The following XPR1 variants were observed in gnomAD, a reference collection of about 807,000 sequenced individuals.
The protein encoded by XPR1 is solute carrier family 53 member 1.
Under a neutral mutation model 87.5 loss-of-function variants are expected in XPR1, and 28 were observed. That is an observed-to-expected ratio of 0.32 (90% CI 0.24 to 0.44). The LOEUF is 0.44. Among genes scored for constraint, XPR1 ranks in the 20% least tolerant of loss-of-function variants. XPR1 has a pLI of 1.00. For missense variants in XPR1, 559 were observed against 862.3 expected (o/e 0.65, Z 4.41); for synonymous variants, 300 against 306.1 (o/e 0.98, Z 0.21).
intron 2 of XPR1, among the ~76,000 whole-genome samples, chr1:180,703,479 G>A (rs192938696): frequency 4.4e-4 from 67 of 152,266 alleles, no homozygotes; most frequent in African/African-American, 1.5e-3. Context: ...TGTTGGCCAT[G>A]GTTAGCAGGG....
At chr1:180,759,364 C>G (rs1283480839) in intron 2 of XPR1, among the ~76,000 whole-genome samples, 1 of 152,000 alleles carries the variant, frequency 6.6e-6, no homozygotes, top group Non-Finnish European at 1.5e-5. Flanking sequence ...CGATAGACCG[C>G]TAGTAAGACT....
intron 1 of XPR1, among the ~76,000 whole-genome samples, chr1:180,679,740 ATAAAG>A (rs757839886): frequency 2.6e-5 from 4 of 152,194 alleles, no homozygotes; most frequent in Non-Finnish European, 5.9e-5. Context: ...AACTATTACT[ATAAAG>A]TAAACCGATA....
rs572998354 is a variant in XPR1, at chr1:180,691,509, TG to T, written c.121+9099del. ...TCTGACTCAGCTTAATACAGCTATC[TG>T]ACTTTCTGAAATTGGATGAATAAAT... is the stretch of plus-strand genomic sequence containing the variant. On this transcript the variant is annotated intron_variant, in intron 2 of 14. Transcript: ENST00000367590. 9.9e-4 allele frequency among the ~76,000 whole-genome samples: 151 copies of T among 152,328 alleles called. 1 individual carries two copies. The highest frequency in any genetic ancestry group is 1.7e-3 in the Non-Finnish European group (116 of 68,012).
intron 2 of XPR1, among the ~76,000 whole-genome samples, chr1:180,708,805 T>A (rs931630883): frequency 6.6e-6 from 1 of 151,824 alleles, no homozygotes; most frequent in Non-Finnish European, 1.5e-5. Context: ...ACAAAAATTT[T>A]CCCCAAAATG....
intron 1 of XPR1, among the ~76,000 whole-genome samples, chr1:180,678,254 GT>G (rs1365141661): frequency 6.6e-6 from 1 of 152,186 alleles, no homozygotes; most frequent in African/African-American, 2.4e-5. Context: ...TATTCTATTA[GT>G]GATTGAACTC....
intron 2 of XPR1, among the ~76,000 whole-genome samples, chr1:180,712,035 G>C (rs1328218403): frequency 6.6e-6 from 1 of 152,190 alleles, no homozygotes; most frequent in Non-Finnish European, 1.5e-5. Context: ...AAGACCCCCA[G>C]TGGATGCCTA....
At chr1:180,826,253 T>C (rs190289260) in intron 9 of XPR1, among the ~76,000 whole-genome samples, 5 of 152,236 alleles carry the variant, frequency 3.3e-5, no homozygotes, top group African/African-American at 1.2e-4. Context: ...GCCAGCTCTT[T>C]TTGAAAATCA....
chr1:180,758,114 T>TACACACACACACACACAC lies in XPR1; in HGVS notation c.122-29623_122-29606dup, dbSNP rs71121050. Among the ~76,000 whole-genome samples, 389 of 141,160 alleles carry TACACACACACACACACAC rather than the reference T, an allele frequency of 2.8e-3. 1 individual carries two copies. Among genetic ancestry groups the TACACACACACACACACAC allele is most frequent in the Non-Finnish European group, 3.6e-3 (231 of 64,810 alleles). The allele number at this position is 141,160 out of a possible 152,430, so 92.6% of individuals were successfully genotyped here. A position where few individuals can be genotyped will look rare whatever the true frequency, so the allele number is the denominator to read the frequency against. The stretch of plus-strand genomic sequence containing the variant: ...ACATATATATGAACATATAGAAGGA[T>TACACACACACACACACAC]ACACACACACACACACACACACACA... On this transcript the variant is annotated intron_variant, in intron 2 of 14. Transcript: ENST00000367590.
rs1415376524 is a variant in XPR1, at chr1:180,696,206, GTGTATATATATATATA to G, written c.121+13797_121+13812del. Among the ~76,000 whole-genome samples the G allele has an allele frequency of 3.5e-3, 360 of 102,082 alleles. 2 individuals carry two copies. The highest frequency in any genetic ancestry group is 0.012 in the African/African-American group (346 of 29,372). 67.0% of individuals were successfully genotyped at this position (102,082 alleles called of 152,430 possible). On this transcript the variant is annotated intron_variant, in intron 2 of 14. Coordinates refer to ENST00000367590, the MANE Select transcript of XPR1 (RefSeq NM_004736.4). ...TGTGTGTGTGTGTGTGTGTGTGTGT[GTGTATATATATATATA>G]TATATATATTATGGTAGCTATTGTA...
At chr1:180,737,267 G>A (rs534401551) in intron 2 of XPR1, among the ~76,000 whole-genome samples, 1 of 152,144 alleles carries the variant, frequency 6.6e-6, no homozygotes, top group South Asian at 2.1e-4. Context: ...GTTATGTAAG[G>A]GCAACAAGTA....
intron 2 of XPR1, among the ~76,000 whole-genome samples, chr1:180,725,302 A>AT (rs146510584): frequency 0.053 from 8,137 of 152,106 alleles, 311 homozygotes; most frequent in Non-Finnish European, 0.079. Flanking sequence ...GATAGTGTGA[A>AT]TTTTTTTTGA....
chr1:180,642,525 A>AG (rs1358767755), intron 1 of XPR1, among the ~76,000 whole-genome samples: 1 of 152,008 alleles, frequency 6.6e-6, no homozygotes, highest in Non-Finnish European at 1.5e-5. Context: ...TTACCTTCTA[A>AG]GGTAGGTTTT....
intron 2 of XPR1, among the ~76,000 whole-genome samples, chr1:180,693,313 C>G (rs535035457): frequency 6.6e-6 from 1 of 152,140 alleles, no homozygotes; most frequent in Non-Finnish European, 1.5e-5. Flanking sequence ...AACGAGAAAG[C>G]TAGAAAGAAG....
At chr1:180,823,447 G>T (rs1285634482) in intron 7 of XPR1, among the ~76,000 whole-genome samples, 1 of 152,146 alleles carries the variant, frequency 6.6e-6, no homozygotes, top group Non-Finnish European at 1.5e-5. Context: ...ATTTGAATTA[G>T]TGGAGAGAAA....
chr1:180,774,340 A>AT (rs1365312525), intron 2 of XPR1, among the ~76,000 whole-genome samples: 5 of 147,740 alleles, frequency 3.4e-5, no homozygotes, highest in African/African-American at 1.2e-4. Flanking sequence ...CCATATCTGG[A>AT]TTTTTTAATA....
At chr1:180,632,641 C>T (rs1241012744) in intron 1 of XPR1, among the ~76,000 whole-genome samples, 1 of 152,236 alleles carries the variant, frequency 6.6e-6, no homozygotes, top group Non-Finnish European at 1.5e-5. Flanking sequence ...TCCCCACTCG[C>T]CCTGACCTCT....
At chr1:180,768,872 T>A (rs1332641866) in intron 2 of XPR1, among the ~76,000 whole-genome samples, 1 of 152,210 alleles carries the variant, frequency 6.6e-6, no homozygotes, top group Non-Finnish European at 1.5e-5. Flanking sequence ...TGCAAGCAAC[T>A]GAAGTTGGAT....
At chr1:180,696,216 A>ATG (rs1185418279) in intron 2 of XPR1, among the ~76,000 whole-genome samples, 6,052 of 128,090 alleles carry the variant, frequency 0.047, 503 homozygotes, top group African/African-American at 0.17. Context: ...GTGTATATAT[A>ATG]TATATATATA....
intron 2 of XPR1, among the ~76,000 whole-genome samples, chr1:180,731,964 G>A (rs1201869708): frequency 6.6e-6 from 1 of 152,076 alleles, no homozygotes; most frequent in Non-Finnish European, 1.5e-5. Flanking sequence ...AGACCAAGGT[G>A]GGCAGATCAC....
Sources: gnomAD v4.1 joint callset for allele counts (sites outside exome capture counted in the v4.1 genomes callset) on GRCh38, gnomAD v4.1.1 for gene constraint, MANE v1.5 for transcripts, NCBI Gene and HGNC (gene_info 2026-07-23, HGNC 2026-07-21) for gene names.